The following ZNF845 variants were observed in gnomAD, a reference collection of about 807,000 sequenced individuals.
The protein encoded by ZNF845 is zinc finger protein 845.
ZNF845 carries 59 observed loss-of-function variants against 76.1 expected under a neutral mutation model. That is an observed-to-expected ratio of 0.78 (90% CI 0.63 to 0.96). The LOEUF is 0.96. Among genes scored for constraint, ZNF845 ranks in the 40% least tolerant of loss-of-function variants. The pLI is 0.00. For synonymous variants in ZNF845, 361 were observed against 386.9 expected, an observed-to-expected ratio of 0.93 and a Z score of 0.78; for missense variants, 1,045 against 1,172.8, an observed-to-expected ratio of 0.89 and a Z score of 1.59.
chr19:53,350,711 T>G (rs113471152), intron 3 of ZNF845, 107 bp from the exon 4 acceptor site: 7 of 1,413,468 alleles, frequency 5.0e-6, no homozygotes, highest in African/African-American at 1.4e-5. Flanking sequence ...CAAGATAATG[T>G]TTGGGAAGTT....
chr19:53,352,847 T>C lies in ZNF845; in HGVS notation c.2172T>C (p.Cys724=), dbSNP rs2147049312. Residue 724 remains cysteine (C), a synonymous_variant, in exon 4 of 4, where the codon TGT becomes TGC. Transcript: ENST00000458035. ...AGAAACCTTACAAGTGTAATGAGTG[T>C]GGCAAGGCCTTCAGTCAGAAGTCAT... is the stretch of plus-strand genomic sequence containing the variant. ...TGEKPYKCNE[C]GKAFSQKSSL... The C allele has an allele frequency of 6.2e-7, 1 of 1,614,120 alleles. No individual in the cohort carries two copies. The highest frequency in any genetic ancestry group is 1.3e-5 in the African/African-American group (1 of 75,030).
intron 3 of ZNF845, among the ~76,000 whole-genome samples, chr19:53,346,966 C>G (rs2085301148): frequency 6.6e-6 from 1 of 152,162 alleles, no homozygotes; most frequent in Non-Finnish European, 1.5e-5. Context: ...TCACTGCAAC[C>G]TCCGACTTCT....
chr19:53,344,625 T>TTATGTTATGTTATGTTATGTTATGTTGTG (rs57130942), intron 2 of ZNF845, among the ~76,000 whole-genome samples: 1 of 144,912 alleles, frequency 6.9e-6, no homozygotes, highest in Non-Finnish European at 1.5e-5. Flanking sequence ...TTTATTTTAT[T>TTATGTTATGTTATGTTATGTTATGTTGTG]TTATTTTATT....
At position 53,352,746 on chromosome 19, in the gene ZNF845, T is replaced by C. The variant is rs1018404875; in HGVS notation, c.2071T>C (p.Tyr691His). Residue 691 changes from tyrosine to histidine, a missense_variant, in exon 4 of 4, where the codon TAC (tyrosine) becomes CAC (histidine). Physicochemically the swap from Tyr to His is moderately conservative, Grantham distance 83. Transcript: ENST00000458035. ...TAGACTTCATACTGGAGAGAAACCT[T>C]ACAAGTGTAATGAGTGTGGCAAGAC... ...HRRLHTGEKP[Y>H]KCNECGKTFG... 1 of 1,614,010 alleles carries C rather than the reference T, an allele frequency of 6.2e-7. No individual in the cohort carries two copies. The highest frequency in any genetic ancestry group is 1.7e-5 in the Admixed American group (1 of 60,000).
Position 53,352,357 on chromosome 19 carries a change from G to A in ZNF845, c.1682G>A (p.Arg561His), listed in dbSNP as rs189942098. ...YQCNECGKAFRGQSALIYHQA... is the reference protein window; with the variant it reads ...YQCNECGKAFHGQSALIYHQA... ...TGTAATGAGTGTGGCAAAGCCTTTCGTGGGCAGTCAGCACTTATTTACCAT... is the reference window on the plus strand; with the variant it reads ...TGTAATGAGTGTGGCAAAGCCTTTCATGGGCAGTCAGCACTTATTTACCAT... Residue 561 changes from arginine to histidine, a missense_variant, in exon 4 of 4, where the codon CGT becomes CAT. Transcript: ENST00000458035. 8.7e-6 allele frequency: 14 copies of A among 1,613,834 alleles called. No individual in the cohort carries two copies. Among genetic ancestry groups the A allele is most frequent in the East Asian group, 4.5e-5 (2 of 44,856 alleles).
In ZNF845 at chr19:53,351,661, G is replaced by A; in HGVS notation, c.986G>A (p.Cys329Tyr). ...AIHTGEKSYK[C>Y]NECGKTFSQT... The stretch of plus-strand genomic sequence containing the variant: ...CATACTGGAGAGAAATCTTACAAGT[G>A]TAATGAATGTGGCAAGACCTTCAGT... The change falls in exon 4 of 4, where the codon TGT (cysteine) becomes TAT (tyrosine). Residue 329 changes from cysteine to tyrosine, a missense_variant. Transcript: ENST00000458035. The A allele has an allele frequency of 1.2e-6, 2 of 1,613,976 alleles. No homozygotes were observed. The highest frequency in any genetic ancestry group is 1.7e-6 in the Non-Finnish European group (2 of 1,179,874).
rs1413061304 is a variant in ZNF845 at position 53,350,836 on chromosome 19, T to C, written c.161T>C (p.Met54Thr). 7.4e-6 allele frequency: 12 copies of C among 1,613,618 alleles called. No homozygotes were observed. The highest frequency in any genetic ancestry group is 9.3e-6 in the Non-Finnish European group (11 of 1,179,846). ...LVSLDISSKCMMKEFSSTAQG... is the reference protein window; with the variant it reads ...LVSLDISSKCTMKEFSSTAQG... ...TTTCTAGATATCTCTTCCAAATGCA[T>C]GATGAAGGAGTTCTCATCAACAGCA... is the stretch of plus-strand genomic sequence containing the variant. Residue 54 changes from methionine (M) to threonine (T), a missense_variant, in exon 4 of 4, where the codon ATG becomes ACG. Met to Thr is a moderately conservative substitution (Grantham distance 81). Coordinates refer to ENST00000458035, the MANE Select transcript of ZNF845 (RefSeq NM_138374.3).
intron 3 of ZNF845, among the ~76,000 whole-genome samples, chr19:53,346,748 G>C (rs1319067776): frequency 2.6e-5 from 4 of 152,138 alleles, no homozygotes; most frequent in Non-Finnish European, 4.4e-5. Flanking sequence ...CTTTATGTTA[G>C]AATTATTTCT....
chr19:53,336,141 G>C (rs1021986147), intron 1 of ZNF845, among the ~76,000 whole-genome samples: 9 of 151,430 alleles, frequency 5.9e-5, no homozygotes, highest in African/African-American at 1.7e-4. Flanking sequence ...GAACCCAGGA[G>C]GCGGAGGTTG....
rs1418832384 is a variant in ZNF845 at position 53,338,620 on chromosome 19, G to A, written c.-73-2615G>A. 1.3e-5 allele frequency among the ~76,000 whole-genome samples: 2 copies of A among 149,462 alleles called. 1 individual carries two copies. Among genetic ancestry groups the A allele is most frequent in the Non-Finnish European group, 3.0e-5 (2 of 67,262 alleles). On this transcript the variant is annotated intron_variant, in intron 1 of 3. Coordinates refer to ENST00000458035, the MANE Select transcript of ZNF845 (RefSeq NM_138374.3). ...CAAACAGCACCGTGAACTGCAGCCCGAGGGCCACCTCCTCCTGCCAGGCCA... is the reference window on the plus strand; with the variant it reads ...CAAACAGCACCGTGAACTGCAGCCCAAGGGCCACCTCCTCCTGCCAGGCCA...
chr19:53,344,610 T>TTATGTTATGTTATGTTATG (rs1568736743), intron 2 of ZNF845, among the ~76,000 whole-genome samples: 1 of 129,584 alleles, frequency 7.7e-6, no homozygotes, highest in Non-Finnish European at 1.6e-5. Flanking sequence ...TTTTATTTAT[T>TTATGTTATGTTATGTTATG]TTATTTTATT....
rs1223823152 is a variant in ZNF845 at position 53,351,334 on chromosome 19, G to A, written c.659G>A (p.Ser220Asn). The change falls in exon 4 of 4, where the codon AGT (serine) becomes AAT (asparagine). Residue 220 changes from serine (S) to asparagine (N), a missense_variant. Transcript: ENST00000458035. The stretch of plus-strand genomic sequence containing the variant: ...GAAAAATCTTTCCAATGTAATGAGA[G>A]TGGCAAAGCCTTTAATTATAGCTCA... ...MREKSFQCNE[S>N]GKAFNYSSVL... The A allele has an allele frequency of 6.2e-6, 10 of 1,614,198 alleles. No homozygotes were observed. The highest frequency in any genetic ancestry group is 8.5e-6 in the Non-Finnish European group (10 of 1,180,040).
At position 53,352,947 on chromosome 19, in the gene ZNF845, C is replaced by T. The variant is rs549778511; in HGVS notation, c.2272C>T (p.Arg758Cys). Residue 758 changes from arginine (R) to cysteine (C), a missense_variant, in exon 4 of 4, where the codon CGC (arginine) becomes TGC (cysteine). Arg to Cys is a radical substitution (Grantham distance 180). Coordinates refer to ENST00000458035, the MANE Select transcript of ZNF845 (RefSeq NM_138374.3). Reference sequence around the variant, plus strand: ...TGAAGAATGTGACAAAGTTTTCAGTCGCAAATCAAGCCTTGAAAAACACAG... The same window carrying T: ...TGAAGAATGTGACAAAGTTTTCAGTTGCAAATCAAGCCTTGAAAAACACAG... The part of the protein sequence containing the change: ...KCEECDKVFS[R>C]KSSLEKHRRI... The T allele has an allele frequency of 5.8e-5, 94 of 1,613,750 alleles. No individual in the cohort carries two copies. In the South Asian group the frequency reaches 7.8e-4, roughly 13 times the overall value.
chr19:53,345,366 T>C (rs2085287074), intron 2 of ZNF845, 140 bp from the exon 3 acceptor site: 1 of 1,523,352 alleles, frequency 6.6e-7, no homozygotes, highest in Admixed American at 2.0e-5. Context: ...GAAGACAAAA[T>C]GTGGTGAAGA....
Position 53,353,254 on chromosome 19 carries a change from A to G in ZNF845, c.2579A>G (p.Lys860Arg). 1 of 1,613,880 alleles carries G rather than the reference A, an allele frequency of 6.2e-7. No homozygotes were observed. Among genetic ancestry groups the G allele is most frequent in the Non-Finnish European group, 8.5e-7 (1 of 1,179,862 alleles). The change falls in exon 4 of 4, where the codon AAG becomes AGG. Residue 860 changes from lysine (K) to arginine (R), a missense_variant. Lys to Arg is a conservative substitution (Grantham distance 26). Coordinates refer to ENST00000458035, the MANE Select transcript of ZNF845 (RefSeq NM_138374.3). ...ATTCATACTGGAGAAAAACCTTACA[A>G]GTGTAGTGAATGTGGCAAGGTTTTT... ...KAIHTGEKPYKCSECGKVFNR... is the reference protein window; with the variant it reads ...KAIHTGEKPYRCSECGKVFNR...
intron 3 of ZNF845, among the ~76,000 whole-genome samples, chr19:53,349,148 C>T (rs1201219945): frequency 2.6e-5 from 4 of 151,844 alleles, no homozygotes; most frequent in East Asian, 3.9e-4. Flanking sequence ...TGAACCACAG[C>T]GCCCAGCCGT....
At position 53,353,179 on chromosome 19, in the gene ZNF845, A is replaced by T; in HGVS notation, c.2504A>T (p.Glu835Val). 1 of 1,613,264 alleles carries T rather than the reference A, an allele frequency of 6.2e-7. No individual in the cohort carries two copies. ...GGAGAGAAACCTTACAAGTGTAATG[A>T]GTGTGGCAAGACCTTCCGTCACAAT... is the stretch of plus-strand genomic sequence containing the variant. ...HSGEKPYKCNECGKTFRHNSA... is the reference protein window; with the variant it reads ...HSGEKPYKCNVCGKTFRHNSA... The change falls in exon 4 of 4, where the codon GAG becomes GTG. Residue 835 changes from glutamate (E) to valine (V), a missense_variant. By Grantham distance (121) the Glu-to-Val change is moderately radical. Transcript: ENST00000458035.
chr19:53,346,487 C>G, intron 3 of ZNF845: 1 of 254,348 alleles, frequency 3.9e-6, no homozygotes, highest in South Asian at 3.0e-5. Flanking sequence ...TCAAAACCAG[C>G]CTGGCTAGCG....
rs764184372 is a variant in ZNF845, at chr19:53,351,472, C to T, written c.797C>T (p.Thr266Ile). 1.6e-5 allele frequency: 26 copies of T among 1,614,226 alleles called. No individual in the cohort carries two copies. The East Asian group carries it at 5.8e-4, about 36-fold the overall frequency. Residue 266 changes from threonine to isoleucine, a missense_variant, in exon 4 of 4, where the codon ACT becomes ATT. Physicochemically the swap from Thr to Ile is moderately conservative, Grantham distance 89 (BLOSUM62 -1). Transcript: ENST00000458035. ...CTTGCATGTCATCGTAGATGTCACACTGGCAAGAAACCTTACAAGTGTAAT... is the reference window on the plus strand; with the variant it reads ...CTTGCATGTCATCGTAGATGTCACATTGGCAAGAAACCTTACAAGTGTAAT... ...RYLACHRRCH[T>I]GKKPYKCNDC...
Sources: allele counts gnomAD v4.1 joint callset (sites outside exome capture counted in the v4.1 genomes callset), GRCh38; gene constraint gnomAD v4.1.1; transcripts MANE v1.5; gene names NCBI Gene and HGNC (gene_info 2026-07-23, HGNC 2026-07-21).